Variants in TEX11 observed in about 807,000 individuals in gnomAD.
TEX11 encodes testis-expressed protein 11.
A neutral mutation model predicts 84.4 loss-of-function variants in TEX11; 7 were observed. That is an observed-to-expected ratio of 0.08 (90% CI 0.05 to 0.16). The LOEUF is 0.16. TEX11 is among the 10% of genes least tolerant of loss of function. TEX11 has a pLI of 1.00. For missense variants in TEX11, 551 were observed against 660.5 expected (o/e 0.83, Z 1.82); for synonymous variants, 264 against 222.8 (o/e 1.18, Z -1.64).
chrX:70,889,587 C>T (rs917358810), intron 2 of TEX11, among the ~76,000 whole-genome samples: 6 of 111,093 alleles, frequency 5.4e-5, no homozygotes, highest in Admixed American at 3.8e-4. Context: ...ACAACTTTTC[C>T]AGAAATAGTA....
At chrX:70,651,065 C>A (rs754215734) in intron 17 of TEX11, among the ~76,000 whole-genome samples, 1 of 111,790 alleles carries the variant, frequency 8.9e-6, no homozygotes, top group South Asian at 3.7e-4. Context: ...CAAAAGGTAC[C>A]CCAACTTTCA....
intron 8 of TEX11, among the ~76,000 whole-genome samples, chrX:70,820,054 T>C (rs189297025): frequency 8.9e-6 from 1 of 112,146 alleles, no homozygotes; most frequent in Non-Finnish European, 1.9e-5. Context: ...TCTTTACAGA[T>C]AGGAAAAACA....
intron 17 of TEX11, among the ~76,000 whole-genome samples, chrX:70,646,372 AC>A (rs2089742930): frequency 1.8e-5 from 2 of 112,437 alleles, no homozygotes; most frequent in Admixed American, 1.9e-4. Flanking sequence ...AAAAATAGAC[AC>A]ATGGGATTAC....
chrX:70,626,446 C>G (rs947338943), intron 18 of TEX11, among the ~76,000 whole-genome samples: 4 of 110,541 alleles, frequency 3.6e-5, no homozygotes, highest in Non-Finnish European at 5.7e-5. Flanking sequence ...AACTTGATAC[C>G]TCTATTACCC....
At chrX:70,577,958 C>A (rs991635427) in intron 25 of TEX11, among the ~76,000 whole-genome samples, 14 of 111,081 alleles carry the variant, frequency 1.3e-4, no homozygotes, top group African/African-American at 4.6e-4. Context: ...GAACTCCTGA[C>A]CTCAGGTGAT....
At chrX:70,815,701 TC>T (rs1158936578) in intron 8 of TEX11, among the ~76,000 whole-genome samples, 1 of 111,203 alleles carries the variant, frequency 9.0e-6, no homozygotes, top group Non-Finnish European at 1.9e-5. Flanking sequence ...TTGGAACATG[TC>T]CCCCACGGAT....
chrX:70,567,208 T>C (rs1168367887), intron 25 of TEX11, among the ~76,000 whole-genome samples: 1 of 111,146 alleles, frequency 9.0e-6, no homozygotes, highest in Non-Finnish European at 1.9e-5. Flanking sequence ...GTTTGTAGTA[T>C]TCTCTGATGG....
intron 11 of TEX11, among the ~76,000 whole-genome samples, chrX:70,733,015 G>A (rs753354944): frequency 1.3e-4 from 14 of 111,853 alleles, no homozygotes; most frequent in African/African-American, 4.5e-4. Context: ...ACAACTATCT[G>A]ACCTTTGACA....
chrX:70,573,783 A>G (rs1209093285), intron 25 of TEX11, among the ~76,000 whole-genome samples: 1 of 111,908 alleles, frequency 8.9e-6, no homozygotes, highest in African/African-American at 3.2e-5. Context: ...AATTAGAATG[A>G]CCTTTCCAGT....
At chrX:70,695,954 C>A (rs1173423367) in intron 13 of TEX11, among the ~76,000 whole-genome samples, 2 of 111,942 alleles carry the variant, frequency 1.8e-5, no homozygotes, top group Non-Finnish European at 3.8e-5. Context: ...AGAATAAGAA[C>A]TGTAAATTGT....
intron 28 of TEX11, among the ~76,000 whole-genome samples, chrX:70,550,941 A>C (rs1296652887): frequency 8.9e-6 from 1 of 112,075 alleles, no homozygotes; most frequent in East Asian, 2.8e-4. Context: ...TCAAAGAGGT[A>C]TCTGCACTCC....
intron 22 of TEX11, among the ~76,000 whole-genome samples, chrX:70,607,950 C>T (rs1200069619): frequency 3.6e-5 from 4 of 112,434 alleles, no homozygotes; most frequent in Admixed American, 1.9e-4. Context: ...CATTCCCTTT[C>T]TCCCAGGATT....
At chrX:70,612,710 T>C (rs775951603) in intron 20 of TEX11, among the ~76,000 whole-genome samples, 1 of 111,589 alleles carries the variant, frequency 9.0e-6, no homozygotes, top group South Asian at 3.8e-4. Flanking sequence ...GTAACATATG[T>C]GTAATGGGAA....
intron 5 of TEX11, among the ~76,000 whole-genome samples, chrX:70,854,629 G>T (rs1190859201): frequency 9.2e-6 from 1 of 108,887 alleles, no homozygotes; most frequent in Non-Finnish European, 1.9e-5. Flanking sequence ...TCAGCTATTA[G>T]GGAGGCTGAG....
At chrX:70,897,376 G>A (rs1163111625) in intron 2 of TEX11, 1 of 104,542 alleles carries the variant, frequency 9.6e-6, no homozygotes, top group Admixed American at 1.1e-4. Context: ...CAGATCACGA[G>A]GTCAGGAGTT....
intron 25 of TEX11, among the ~76,000 whole-genome samples, chrX:70,566,480 G>T (rs2147962737): frequency 9.0e-6 from 1 of 110,668 alleles, no homozygotes; most frequent in Non-Finnish European, 1.9e-5. Flanking sequence ...CCTCTCTTGT[G>T]CCAGTTTTCA....
At chrX:70,785,423 CT>C (rs1386136600) in intron 9 of TEX11, among the ~76,000 whole-genome samples, 1 of 111,887 alleles carries the variant, frequency 8.9e-6, no homozygotes, top group South Asian at 3.7e-4. Flanking sequence ...GACTTCATGA[CT>C]AAAACACCAA....
intron 9 of TEX11, among the ~76,000 whole-genome samples, chrX:70,785,771 A>G (rs1334946973): frequency 8.9e-6 from 1 of 112,027 alleles, no homozygotes; most frequent in African/African-American, 3.2e-5. Context: ...ACAATGAGAT[A>G]CCATCTCACA....
At chrX:70,606,788 T>C (rs982955652) in intron 23 of TEX11, among the ~76,000 whole-genome samples, 171 bp downstream of exon 23, 15 of 111,760 alleles carry the variant, frequency 1.3e-4, no homozygotes. Context: ...CACATTCTTA[T>C]GTTATACCCT....
Sources: allele counts gnomAD v4.1 joint callset (sites outside exome capture counted in the v4.1 genomes callset), GRCh38; gene constraint gnomAD v4.1.1; transcripts MANE v1.5; gene names NCBI Gene and HGNC (gene_info 2026-07-23, HGNC 2026-07-21).